Variants in CAPN10 observed in about 807,000 individuals in gnomAD.
CAPN10 encodes the protein calpain-10.
A neutral mutation model predicts 78.4 loss-of-function variants in CAPN10; 71 were observed. That is an observed-to-expected ratio of 0.91 (90% CI 0.75 to 1.10). The LOEUF is 1.10. CAPN10 is among the 50% of genes least tolerant of loss of function. CAPN10 has a pLI of 0.00. For missense variants in CAPN10, 849 were observed against 924.6 expected (o/e 0.92, Z 1.06); for synonymous variants, 437 against 407.2 (o/e 1.07, Z -0.88).
intron 9 of CAPN10, among the ~76,000 whole-genome samples, chr2:240,597,297 G>A (rs760726146): frequency 6.6e-6 from 1 of 152,240 alleles, no homozygotes; most frequent in Admixed American, 6.5e-5. Context: ...GGGAACGCAG[G>A]GGGCTGATGG....
Position 240,595,170 on chromosome 2 carries a change from C to T in CAPN10, c.1144C>T (p.Leu382=). 6.2e-7 allele frequency: 1 copy of T among 1,613,898 alleles called. No individual in the cohort carries two copies. The highest frequency in any genetic ancestry group is 8.5e-7 in the Non-Finnish European group (1 of 1,180,030). ...SEPSEVYIAV[L]QRSRLHAADW... ...ACCGAGTGAGGTGTACATTGCCGTCCTGCAGAGATCCAGGCTGCACGCGGC... is the reference window on the plus strand; with the variant it reads ...ACCGAGTGAGGTGTACATTGCCGTCTTGCAGAGATCCAGGCTGCACGCGGC... Residue 382 remains leucine, a synonymous_variant, in exon 7 of 12, where the codon CTG becomes TTG. Transcript: ENST00000391984.
chr2:240,589,388 G>A lies in CAPN10; in HGVS notation c.187G>A (p.Gly63Arg), dbSNP rs756667300. Residue 63 changes from glycine to arginine, a missense_variant, in exon 2 of 12, where the codon GGG (glycine) becomes AGG (arginine). Gly to Arg is a moderately radical substitution (Grantham distance 125, BLOSUM62 -2). Transcript: ENST00000391984. ...GCTGTTTCCAGATGACCCACGGGAA[G>A]GGCAGGTGAAGCAGGGGCTGCTGGG... is the stretch of plus-strand genomic sequence containing the variant. ...PRLFPDDPRE[G>R]QVKQGLLGDC... 3 of 1,614,170 alleles carry A rather than the reference G, an allele frequency of 1.9e-6. No individual in the cohort carries two copies. The South Asian group carries it at 3.3e-5, about 18-fold the overall frequency.
At position 240,596,839 on chromosome 2, in the gene CAPN10, C is replaced by T. The variant is rs377630733; in HGVS notation, c.1640C>T (p.Ser547Leu). The T allele has an allele frequency of 1.5e-4, 234 of 1,613,418 alleles. No homozygotes were observed. Among genetic ancestry groups the T allele is most frequent in the Non-Finnish European group, 1.9e-4 (223 of 1,180,018 alleles). The change falls in exon 9 of 12, where the codon TCG (serine) becomes TTG (leucine). Residue 547 changes from serine to leucine, a missense_variant. By Grantham distance (145) the Ser-to-Leu change is moderately radical (BLOSUM62 -2). Coordinates refer to ENST00000391984, the MANE Select transcript of CAPN10 (RefSeq NM_023083.4). ...SYPTNPCFPF[S>L]VPEGPGPRCV... ...CCCACCAACCCCTGCTTCCCCTTCT[C>T]GGTCCCCGAGGGCCCTGGCCCCCGC...
chr2:240,587,686 T>G (rs925061695), intron 1 of CAPN10, among the ~76,000 whole-genome samples: 1 of 152,238 alleles, frequency 6.6e-6, no homozygotes, highest in African/African-American at 2.4e-5. Flanking sequence ...ACTTCTGGGC[T>G]CTCGTGACTG....
chr2:240,598,825 G>A lies in CAPN10; in HGVS notation c.*145G>A. ...AGCCCTGCCAGGAGGCTGCGGCCTA[G>A]GGGTCCACGGGAAGCCTCCGTCAGG... On this transcript the variant is annotated 3_prime_UTR_variant, in exon 12 of 12. Coordinates refer to ENST00000391984, the MANE Select transcript of CAPN10 (RefSeq NM_023083.4). 1.4e-6 allele frequency: 1 copy of A among 735,894 alleles called. No individual in the cohort carries two copies. The highest frequency in any genetic ancestry group is 1.7e-5 in the South Asian group (1 of 59,948). 45.6% of individuals were successfully genotyped at this position (735,894 alleles called of 1,614,324 possible). A position where few individuals can be genotyped will look rare whatever the true frequency, so the allele number is the denominator to read the frequency against.
intron 7 of CAPN10, 33 bp downstream of exon 7, chr2:240,595,337 C>T (rs1489750122): frequency 1.2e-6 from 2 of 1,603,568 alleles, no homozygotes; most frequent in Non-Finnish European, 1.7e-6. Context: ...ACGCTCGGTT[C>T]AGCAGGTGGT....
chr2:240,596,349 G>A lies in CAPN10; in HGVS notation c.1309G>A (p.Val437Ile). ...GAAGCGGCGGGTCAATCTGCCTAGG[G>A]TCCTGTCCATGCCCCCCGTGGCTGG... ...VEKRRVNLPR[V>I]LSMPPVAGTA... The change falls in exon 8 of 12, where the codon GTC becomes ATC. Residue 437 changes from valine (V) to isoleucine (I), a missense_variant. Transcript: ENST00000391984. The A allele has an allele frequency of 1.2e-6, 2 of 1,611,722 alleles. No individual in the cohort carries two copies. Among genetic ancestry groups the A allele is most frequent in the Non-Finnish European group, 1.7e-6 (2 of 1,179,048 alleles).
rs770777106 is a variant in CAPN10, at chr2:240,598,707, G to C, written c.*27G>C. The stretch of plus-strand genomic sequence containing the variant: ...AGGGTGGCCCCCTGTGCCAGCTCAG[G>C]TGACTGGAGCCCGAGGGCCTGACAG... On this transcript the variant is annotated 3_prime_UTR_variant, in exon 12 of 12. Coordinates refer to ENST00000391984, the MANE Select transcript of CAPN10 (RefSeq NM_023083.4). The C allele has an allele frequency of 6.4e-7, 1 of 1,563,448 alleles. No individual in the cohort carries two copies. Among genetic ancestry groups the C allele is most frequent in the Non-Finnish European group, 8.7e-7 (1 of 1,152,944 alleles).
Position 240,595,025 on chromosome 2 carries a change from G to C in CAPN10, c.999G>C (p.Glu333Asp). The stretch of plus-strand genomic sequence containing the variant: ...TGATGCCTGGTGTTTTCTCACTAGA[G>C]AGGCTGCTCTGCCATACGCGGGCGC... ...EAGHLQSLYTERLLCHTRALP... is the reference protein window; with the variant it reads ...EAGHLQSLYTDRLLCHTRALP... The change falls in exon 7 of 12, where the codon GAG (glutamate) becomes GAC (aspartate). Residue 333 changes from glutamate (E) to aspartate (D), a missense_variant and splice_region_variant. Physicochemically the swap from Glu to Asp is conservative, Grantham distance 45 (BLOSUM62 2). Transcript: ENST00000391984. 6.2e-7 allele frequency: 1 copy of C among 1,612,858 alleles called. No individual in the cohort carries two copies.
intron 7 of CAPN10, 46 bp from the exon 8 acceptor site, chr2:240,596,273 G>A (rs1280921674): frequency 1.3e-6 from 2 of 1,557,078 alleles, no homozygotes; most frequent in Admixed American, 3.6e-5. Context: ...CAGGGCGTCT[G>A]ACCCCGGCCG....
At chr2:240,597,760 GGC>G (rs2093146327) in intron 9 of CAPN10, 126 bp from the exon 10 acceptor site, 3 of 825,324 alleles carry the variant, frequency 3.6e-6, no homozygotes, top group Non-Finnish European at 5.6e-6. Flanking sequence ...GTCCAGGCCT[GGC>G]AGCCCCTCCT....
chr2:240,587,460 G>A (rs2093075955), intron 1 of CAPN10, among the ~76,000 whole-genome samples: 2 of 152,244 alleles, frequency 1.3e-5, no homozygotes, highest in Admixed American at 6.5e-5. Flanking sequence ...AAAGCAAAGC[G>A]TGATAGAATT....
chr2:240,592,941 A>G (rs41266973), intron 4 of CAPN10: 41 of 163,474 alleles, frequency 2.5e-4, no homozygotes, highest in Non-Finnish European at 3.8e-4. Context: ...GGGTTAAAGA[A>G]TATGAATATC....
In CAPN10 at chr2:240,595,219, C is replaced by G; in HGVS notation, c.1193C>G (p.Ala398Gly). 6.2e-7 allele frequency: 1 copy of G among 1,613,624 alleles called. No homozygotes were observed. The highest frequency in any genetic ancestry group is 1.1e-5 in the South Asian group (1 of 91,080). ...HAADWAGRARALVGDSHTSWS... is the reference protein window; with the variant it reads ...HAADWAGRARGLVGDSHTSWS... ...GCGGACTGGGCAGGCCGGGCCCGGG[C>G]ACTGGTGGGTGACAGTCATACTTCG... Residue 398 changes from alanine (A) to glycine (G), a missense_variant, in exon 7 of 12, where the codon GCA (alanine) becomes GGA (glycine). Coordinates refer to ENST00000391984, the MANE Select transcript of CAPN10 (RefSeq NM_023083.4).
intron 3 of CAPN10, 88 bp from the exon 4 acceptor site, chr2:240,591,845 C>A: frequency 8.3e-7 from 1 of 1,205,822 alleles, no homozygotes; most frequent in Non-Finnish European, 1.2e-6. Flanking sequence ...AGCGGTTGGA[C>A]GATTTGGGGT....
chr2:240,594,919 G>T, intron 6 of CAPN10, 105 bp from the exon 7 acceptor site: 1 of 1,286,890 alleles, frequency 7.8e-7, no homozygotes, highest in East Asian at 2.4e-5. Flanking sequence ...CTCTGTCTGT[G>T]GCCGTAGCTG....
In CAPN10 at chr2:240,598,821, C is replaced by T; in HGVS notation, c.*141C>T. ...TCCCAGCCCTGCCAGGAGGCTGCGG[C>T]CTAGGGGTCCACGGGAAGCCTCCGT... is the stretch of plus-strand genomic sequence containing the variant. On this transcript the variant is annotated 3_prime_UTR_variant, in exon 12 of 12. Coordinates refer to ENST00000391984, the MANE Select transcript of CAPN10 (RefSeq NM_023083.4). 1 of 766,188 alleles carries T rather than the reference C, an allele frequency of 1.3e-6. No individual in the cohort carries two copies. 47.5% of individuals were successfully genotyped at this position (766,188 alleles called of 1,614,324 possible). A position where few individuals can be genotyped will look rare whatever the true frequency, so the allele number is the denominator to read the frequency against.
intron 9 of CAPN10, 37 bp downstream of exon 9, chr2:240,596,979 A>C (rs750583757): frequency 1.4e-5 from 23 of 1,612,310 alleles, no homozygotes; most frequent in Non-Finnish European, 1.1e-5. Context: ...GGGGAGCAGA[A>C]GGGGCCCTCA....
At chr2:240,589,311 G>T (rs566234266) in intron 1 of CAPN10, 32 bp from the exon 2 acceptor site, 3 of 1,614,078 alleles carry the variant, frequency 1.9e-6, no homozygotes, top group African/African-American at 2.7e-5. Context: ...CAGCAGGCAT[G>T]ATCTAACTCT....
Sources: allele counts gnomAD v4.1 joint callset (sites outside exome capture counted in the v4.1 genomes callset), GRCh38; gene constraint gnomAD v4.1.1; transcripts MANE v1.5; gene names NCBI Gene and HGNC (gene_info 2026-07-23, HGNC 2026-07-21).